Variants in MAFB observed in about 807,000 individuals in gnomAD.
The protein encoded by MAFB is MAF bZIP transcription factor B.
A neutral mutation model predicts 17.7 loss-of-function variants in MAFB; 3 were observed. That is an observed-to-expected ratio of 0.17 (90% CI 0.08 to 0.44). The LOEUF is 0.44. MAFB is among the 20% of genes least tolerant of loss of function. The pLI, the probability that MAFB is intolerant of heterozygous loss-of-function variation, is 0.99. For missense variants in MAFB, 355 were observed against 461.3 expected (o/e 0.77, Z 2.11); for synonymous variants, 214 against 211.5 (o/e 1.01, Z -0.10).
chr20:40,688,411 C>T lies in MAFB; in HGVS notation c.440G>A (p.Gly147Asp), dbSNP rs1392297545. ...CAGCTCGTCGTGGGCCACGCCGGCG[C>T]CCGGGTACGCGTGGTGCGGGTGAGG... ...HHPHPHHAYP[G>D]AGVAHDELGP... Residue 147 changes from glycine to aspartate, a missense_variant, in exon 1 of 1, where the codon GGC becomes GAC. Physicochemically the swap from Gly to Asp is moderately conservative, Grantham distance 94. Around this residue, in one of 3 missense-constraint regions of MAFB, gnomAD observed 285 missense variants for 350.0 expected, o/e 0.81. Transcript: ENST00000373313. 2 of 1,578,114 alleles carry T rather than the reference C, an allele frequency of 1.3e-6. No homozygotes were observed. Among genetic ancestry groups the T allele is most frequent in the African/African-American group, 1.3e-5 (1 of 74,602 alleles).
rs1376628932 is a variant in MAFB, at chr20:40,687,551, T to G, written c.*328A>C. 2.0e-6 allele frequency: 1 copy of G among 491,770 alleles called. No individual in the cohort carries two copies. The highest frequency in any genetic ancestry group is 1.9e-5 in the African/African-American group (1 of 52,082). The allele number at this position is 491,770 out of a possible 1,614,324, so 30.5% of individuals were successfully genotyped here. ...AAAGCCAGGAGTCTCCAGATGGCCT[T>G]GGTGACTTCTCGGGACTATGCCTCG... On this transcript the variant is annotated 3_prime_UTR_variant, in exon 1 of 1. Transcript: ENST00000373313.
chr20:40,685,931 A>G lies in MAFB; in HGVS notation c.*1948T>C, dbSNP rs560167679. The G allele has an allele frequency of 2.7e-5, 5 of 185,364 alleles. No individual in the cohort carries two copies. In the South Asian group the frequency reaches 9.8e-4, roughly 36 times the overall value. The allele number at this position is 185,364 out of a possible 1,614,324, so 11.5% of individuals were successfully genotyped here. A position where few individuals can be genotyped will look rare whatever the true frequency, so the allele number is the denominator to read the frequency against. On this transcript the variant is annotated 3_prime_UTR_variant, in exon 1 of 1. Coordinates refer to ENST00000373313, the MANE Select transcript of MAFB (RefSeq NM_005461.5). ...TAACCAAAAAACAGAAACCAGTCTG[A>G]ATAAAACTACAATAGACTAGGTTTT...
Position 40,687,937 on chromosome 20 carries a change from C to T in MAFB, c.914G>A (p.Gly305Asp), listed in dbSNP as rs747176764. The T allele has an allele frequency of 1.2e-6, 2 of 1,613,566 alleles. No individual in the cohort carries two copies. Among genetic ancestry groups the T allele is most frequent in the Non-Finnish European group, 1.7e-6 (2 of 1,180,052 alleles). Residue 305 changes from glycine (G) to aspartate (D), a missense_variant, in exon 1 of 1, where the codon GGC becomes GAC. By Grantham distance (94) the Gly-to-Asp change is moderately conservative. This residue lies in a region of MAFB where 63 missense variants were observed against 69.4 expected (regional missense o/e 0.91). Coordinates refer to ENST00000373313, the MANE Select transcript of MAFB (RefSeq NM_005461.5). ...KVKCEKLANS[G>D]FREAGSTSDS... ...GCTGGTGGAGCCCGCCTCCCTGAAGCCGGAGTTGGCGAGTTTCTCGCACTT... is the reference window on the plus strand; with the variant it reads ...GCTGGTGGAGCCCGCCTCCCTGAAGTCGGAGTTGGCGAGTTTCTCGCACTT...
In MAFB at chr20:40,687,729, C is replaced by A; in HGVS notation, c.*150G>T. The A allele has an allele frequency of 2.0e-6, 2 of 1,016,304 alleles. No homozygotes were observed. Among genetic ancestry groups the A allele is most frequent in the Non-Finnish European group, 1.4e-6 (1 of 716,606 alleles). 63.0% of individuals were successfully genotyped at this position (1,016,304 alleles called of 1,614,324 possible). A position where few individuals can be genotyped will look rare whatever the true frequency, so the allele number is the denominator to read the frequency against. On this transcript the variant is annotated 3_prime_UTR_variant, in exon 1 of 1. Transcript: ENST00000373313. ...CGCCCGCGCACCCGCCCGTCGCCCG[C>A]GGCCCGCGCGCCCTTCCTCCCTCTC...
Position 40,685,977 on chromosome 20 carries a change from A to G in MAFB, c.*1902T>C, listed in dbSNP as rs1350881712. On this transcript the variant is annotated 3_prime_UTR_variant, in exon 1 of 1. Coordinates refer to ENST00000373313, the MANE Select transcript of MAFB (RefSeq NM_005461.5). ...GTTTTAATATTTTCATATCATAAGCAGGGTTTGAAATTGATCCCTTATTTT... is the reference window on the plus strand; with the variant it reads ...GTTTTAATATTTTCATATCATAAGCGGGGTTTGAAATTGATCCCTTATTTT... 1 of 187,876 alleles carries G rather than the reference A, an allele frequency of 5.3e-6. No individual in the cohort carries two copies. The highest frequency in any genetic ancestry group is 1.1e-5 in the Non-Finnish European group (1 of 88,842). 11.6% of individuals were successfully genotyped at this position (187,876 alleles called of 1,614,324 possible).
rs1291707837 is a variant in MAFB, at chr20:40,688,098, G to A, written c.753C>T (p.Tyr251=). 5.6e-6 allele frequency: 9 copies of A among 1,613,862 alleles called. No homozygotes were observed. Among genetic ancestry groups the A allele is most frequent in the Non-Finnish European group, 7.6e-6 (9 of 1,180,026 alleles). Residue 251 remains tyrosine, a synonymous_variant, in exon 1 of 1, where the codon TAC becomes TAT. Coordinates refer to ENST00000373313, the MANE Select transcript of MAFB (RefSeq NM_005461.5). ...CGCGTTTATACCTGCAAGACTGGGC[G>A]TAGCCCCGGTTCTTCAGGGTCCGCC... The part of the protein sequence containing the change: ...QKRRTLKNRG[Y]AQSCRYKRVQ...
chr20:40,687,750 C>T lies in MAFB; in HGVS notation c.*129G>A. 1.6e-6 allele frequency: 2 copies of T among 1,218,586 alleles called. No individual in the cohort carries two copies. Among genetic ancestry groups the T allele is most frequent in the East Asian group, 5.1e-5 (2 of 39,074 alleles). 75.5% of individuals were successfully genotyped at this position (1,218,586 alleles called of 1,614,324 possible). ...CCCGCGGCCCGCGCGCCCTTCCTCC[C>T]TCTCGCTCAAGTCAAACAGGTCAAG... On this transcript the variant is annotated 3_prime_UTR_variant, in exon 1 of 1. Transcript: ENST00000373313.
Position 40,688,939 on chromosome 20 carries a change from G to C in MAFB, c.-89C>G. On this transcript the variant is annotated 5_prime_UTR_variant, in exon 1 of 1. Coordinates refer to ENST00000373313, the MANE Select transcript of MAFB (RefSeq NM_005461.5). ...GAGCCAAGCGCGGGGGGGAAGAGCGGAGAAGAGCTGGGGAGGCGGGGAGCG... is the reference window on the plus strand; with the variant it reads ...GAGCCAAGCGCGGGGGGGAAGAGCGCAGAAGAGCTGGGGAGGCGGGGAGCG... The C allele has an allele frequency of 6.8e-7, 1 of 1,476,488 alleles. No individual in the cohort carries two copies. Among genetic ancestry groups the C allele is most frequent in the South Asian group, 1.4e-5 (1 of 71,742 alleles). 91.5% of individuals were successfully genotyped at this position (1,476,488 alleles called of 1,614,324 possible).
rs1986864591 is a variant in MAFB, at chr20:40,687,770, G to A, written c.*109C>T. ...CCTCCCTCTCGCTCAAGTCAAACAG[G>A]TCAAGGCTGGGGCCGCGGCAGGGAC... On this transcript the variant is annotated 3_prime_UTR_variant, in exon 1 of 1. Transcript: ENST00000373313. 3 of 1,356,060 alleles carry A rather than the reference G, an allele frequency of 2.2e-6. No homozygotes were observed. The highest frequency in any genetic ancestry group is 4.7e-5 in the Admixed American group (2 of 42,876). The allele number at this position is 1,356,060 out of a possible 1,614,324, so 84.0% of individuals were successfully genotyped here. A position where few individuals can be genotyped will look rare whatever the true frequency, so the allele number is the denominator to read the frequency against.
chr20:40,689,179 C>T lies in MAFB; in HGVS notation c.-329G>A. 5.6e-6 allele frequency: 2 copies of T among 358,944 alleles called. No individual in the cohort carries two copies. Among genetic ancestry groups the T allele is most frequent in the Non-Finnish European group, 1.0e-5 (2 of 197,640 alleles). The allele number at this position is 358,944 out of a possible 1,614,324, so 22.2% of individuals were successfully genotyped here. ...CGAGTGCCCGTTGCTCGCTCTCTAG[C>T]TCTCTTGCTCTTACGCTCTCTCGCT... On this transcript the variant is annotated 5_prime_UTR_variant, in exon 1 of 1. Transcript: ENST00000373313.
Position 40,687,572 on chromosome 20 carries a change from C to T in MAFB, c.*307G>A. ...GCCTTGGTGACTTCTCGGGACTATG[C>T]CTCGCCGCCCTTCAGCCTGGAGAGA... On this transcript the variant is annotated 3_prime_UTR_variant, in exon 1 of 1. Coordinates refer to ENST00000373313, the MANE Select transcript of MAFB (RefSeq NM_005461.5). 1.8e-6 allele frequency: 1 copy of T among 541,386 alleles called. No homozygotes were observed. The highest frequency in any genetic ancestry group is 2.6e-5 in the South Asian group (1 of 39,012). 33.5% of individuals were successfully genotyped at this position (541,386 alleles called of 1,614,324 possible). A position where few individuals can be genotyped will look rare whatever the true frequency, so the allele number is the denominator to read the frequency against.
chr20:40,687,844 C>T lies in MAFB; in HGVS notation c.*35G>A, dbSNP rs1197571933. The stretch of plus-strand genomic sequence containing the variant: ...AGGGACGTGGGACAGGGAGTCCGGG[C>T]CGGGGCAAGGGCGGGGGCCAGGACC... On this transcript the variant is annotated 3_prime_UTR_variant, in exon 1 of 1. Coordinates refer to ENST00000373313, the MANE Select transcript of MAFB (RefSeq NM_005461.5). 6.3e-7 allele frequency: 1 copy of T among 1,594,998 alleles called. No homozygotes were observed. Among genetic ancestry groups the T allele is most frequent in the South Asian group, 1.1e-5 (1 of 89,650 alleles).
chr20:40,687,458 T>C lies in MAFB; in HGVS notation c.*421A>G, dbSNP rs1400787380. 5.5e-6 allele frequency: 2 copies of C among 361,056 alleles called. No homozygotes were observed. The highest frequency in any genetic ancestry group is 9.9e-6 in the Non-Finnish European group (2 of 202,696). The allele number at this position is 361,056 out of a possible 1,614,324, so 22.4% of individuals were successfully genotyped here. A position where few individuals can be genotyped will look rare whatever the true frequency, so the allele number is the denominator to read the frequency against. ...AGAGTCCCTCTCCTTTCCTCGTTGC[T>C]CTCTTCCTGGCGCGGACTACTCTCC... On this transcript the variant is annotated 3_prime_UTR_variant, in exon 1 of 1. Transcript: ENST00000373313.
At position 40,687,094 on chromosome 20, in the gene MAFB, AGCCGC is replaced by A; in HGVS notation, c.*780_*784del. On this transcript the variant is annotated 3_prime_UTR_variant, in exon 1 of 1. Transcript: ENST00000373313. Reference sequence around the variant, plus strand: ...CAGCTGGGACTGAAACCCCGCACGCAGCCGCCGGAGTTTCCAAACTGCGATCCCTT... The same window carrying A: ...CAGCTGGGACTGAAACCCCGCACGCACGGAGTTTCCAAACTGCGATCCCTT... 2.5e-6 allele frequency: 1 copy of A among 399,014 alleles called. No individual in the cohort carries two copies. The highest frequency in any genetic ancestry group is 3.6e-5 in the East Asian group (1 of 28,072). The allele number at this position is 399,014 out of a possible 1,614,324, so 24.7% of individuals were successfully genotyped here. A position where few individuals can be genotyped will look rare whatever the true frequency, so the allele number is the denominator to read the frequency against.
chr20:40,688,985 C>A lies in MAFB; in HGVS notation c.-135G>T. On this transcript the variant is annotated 5_prime_UTR_variant, in exon 1 of 1. Transcript: ENST00000373313. ...GAGCGAGGGCGCAGCGGGCCGGGGC[C>A]GCCGGCCAAGCCTTTGTCTGGGGAC... 7.8e-7 allele frequency: 1 copy of A among 1,275,672 alleles called. No individual in the cohort carries two copies. Among genetic ancestry groups the A allele is most frequent in the Non-Finnish European group, 1.0e-6 (1 of 985,266 alleles). The allele number at this position is 1,275,672 out of a possible 1,614,324, so 79.0% of individuals were successfully genotyped here.
chr20:40,688,481 AGCT>A lies in MAFB; in HGVS notation c.367_369del (p.Ser123del). ...TGGTGAGCGCCGCGAAAGCTGTCGAAGCTTTGCAGCGGCTGTGGCACTGGGTGC... is the reference window on the plus strand; with the variant it reads ...TGGTGAGCGCCGCGAAAGCTGTCGAATTGCAGCGGCTGTGGCACTGGGTGC... On this transcript the variant is annotated inframe_deletion, in exon 1 of 1. Transcript: ENST00000373313. 3 of 1,610,592 alleles carry A rather than the reference AGCT, an allele frequency of 1.9e-6. No homozygotes were observed. Among genetic ancestry groups the A allele is most frequent in the Non-Finnish European group, 2.5e-6 (3 of 1,179,522 alleles).
At position 40,688,314 on chromosome 20, in the gene MAFB, C is replaced by T. The variant is rs1010575389; in HGVS notation, c.537G>A (p.Pro179=). ...GGTGGCTAGTGGGCAGCTGTTGCGC[C>T]GGGCTAGCGGCGCTGGACGGCGGCG... The part of the protein sequence containing the change: ...ASPPPSSAAS[P]AQQLPTSHPG... Residue 179 remains proline (P), a synonymous_variant, in exon 1 of 1, where the codon CCG becomes CCA. Coordinates refer to ENST00000373313, the MANE Select transcript of MAFB (RefSeq NM_005461.5). The T allele has an allele frequency of 4.0e-6, 6 of 1,508,448 alleles. No homozygotes were observed. In the African/African-American group the frequency reaches 4.2e-5, roughly 10 times the overall value. The allele number at this position is 1,508,448 out of a possible 1,614,324, so 93.4% of individuals were successfully genotyped here.
chr20:40,686,762 C>T lies in MAFB; in HGVS notation c.*1117G>A, dbSNP rs1177782422. The T allele has an allele frequency of 4.8e-5, 19 of 398,518 alleles. No homozygotes were observed. The highest frequency in any genetic ancestry group is 8.8e-5 in the Admixed American group (2 of 22,710). The allele number at this position is 398,518 out of a possible 1,614,324, so 24.7% of individuals were successfully genotyped here. A position where few individuals can be genotyped will look rare whatever the true frequency, so the allele number is the denominator to read the frequency against. On this transcript the variant is annotated 3_prime_UTR_variant, in exon 1 of 1. Coordinates refer to ENST00000373313, the MANE Select transcript of MAFB (RefSeq NM_005461.5). ...TCTGGGGTGCGGAGCTTGGCAGCTT[C>T]CCTGCCCTGCCCTGCCCTTGTACTG...
In MAFB at chr20:40,688,833, G is replaced by A; in HGVS notation, c.18C>T (p.Ser6=). ...GGCTGGTGGGCAGCTCTGGCCCCATGCTCAGCTCCGCGGCCATCGCTGAAG... is the reference window on the plus strand; with the variant it reads ...GGCTGGTGGGCAGCTCTGGCCCCATACTCAGCTCCGCGGCCATCGCTGAAG... MAAEL[S]MGPELPTSPL... is the part of the protein sequence containing the mutation. Residue 6 remains serine, a synonymous_variant, in exon 1 of 1, where the codon AGC becomes AGT. Transcript: ENST00000373313. 2 of 1,611,068 alleles carry A rather than the reference G, an allele frequency of 1.2e-6. No homozygotes were observed. The highest frequency in any genetic ancestry group is 1.7e-6 in the Non-Finnish European group (2 of 1,178,964).
Sources: allele counts gnomAD v4.1 joint callset, GRCh38; gene constraint gnomAD v4.1.1; regional missense constraint gnomAD v4.1.1; transcripts MANE v1.5; gene names NCBI Gene and HGNC (gene_info 2026-07-23, HGNC 2026-07-21).